PRKG1: variants seen among roughly 807,000 people sequenced by gnomAD.
PRKG1 encodes cGMP-dependent protein kinase 1.
A neutral mutation model predicts 88.1 loss-of-function variants in PRKG1; 35 were observed. The observed-to-expected ratio is 0.40, with a 90% CI of 0.30 to 0.53. PRKG1 has a LOEUF of 0.53. PRKG1 is among the 20% of genes least tolerant of loss of function. The pLI is 0.59. For missense variants in PRKG1, 540 were observed against 839.8 expected, an observed-to-expected ratio of 0.64 and a Z score of 4.41; for synonymous variants, 303 against 292.5, an observed-to-expected ratio of 1.04 and a Z score of -0.37.
intron 2 of PRKG1, among the ~76,000 whole-genome samples, chr10:51,232,766 C>T (rs981367299): frequency 3.9e-5 from 6 of 152,236 alleles, no homozygotes; most frequent in South Asian, 4.1e-4. Flanking sequence ...GTGCTAGACA[C>T]GTTTCTTTGC....
chr10:51,525,683 G>T (rs1197967535), intron 3 of PRKG1, among the ~76,000 whole-genome samples: 1 of 152,064 alleles, frequency 6.6e-6, no homozygotes, highest in Non-Finnish European at 1.5e-5. Flanking sequence ...GGGCAACAGA[G>T]TGAGACTCTG....
At chr10:51,066,867 T>C (rs1316057290) in intron 1 of PRKG1, among the ~76,000 whole-genome samples, 2 of 152,088 alleles carry the variant, frequency 1.3e-5, no homozygotes, top group Non-Finnish European at 2.9e-5. Context: ...AAGGAAGTAG[T>C]GTTCTTTAGT....
chr10:51,326,470 A>T (rs1841595799), intron 2 of PRKG1, among the ~76,000 whole-genome samples: 1 of 152,248 alleles, frequency 6.6e-6, no homozygotes, highest in African/African-American at 2.4e-5. Flanking sequence ...ACATAATGAC[A>T]TCAATTCTGT....
chr10:52,290,983 C>G (rs190103300), intron 17 of PRKG1, among the ~76,000 whole-genome samples: 1 of 142,234 alleles, frequency 7.0e-6, no homozygotes, highest in African/African-American at 2.6e-5. Flanking sequence ...AATGCAGTGG[C>G]GTGATCTCGG....
intron 2 of PRKG1, among the ~76,000 whole-genome samples, chr10:51,157,281 G>T (rs116900299): frequency 6.6e-6 from 1 of 151,798 alleles, no homozygotes; most frequent in African/African-American, 2.4e-5. Flanking sequence ...TAGAAGTTTC[G>T]ATTTCAAGTT....
Position 51,890,435 on chromosome 10 carries a change from ATC to A in PRKG1, c.699-17068_699-17067del, listed in dbSNP as rs534697919. Among the ~76,000 whole-genome samples, 497 of 152,310 alleles carry A rather than the reference ATC, an allele frequency of 3.3e-3. 4 individuals are homozygous for A. The highest frequency in any genetic ancestry group is 0.02 in the Middle Eastern group (6 of 294). ...TATGGTCTGTCACTTGACTGCAAAAATCTCTTACAAGATATTCATTCAGTTAG... is the reference window on the plus strand; with the variant it reads ...TATGGTCTGTCACTTGACTGCAAAAATCTTACAAGATATTCATTCAGTTAG... On this transcript the variant is annotated intron_variant, in intron 4 of 17. Coordinates refer to ENST00000373980, the MANE Select transcript of PRKG1 (RefSeq NM_006258.4).
At chr10:51,403,468 ATTG>A (rs1837816148) in intron 2 of PRKG1, among the ~76,000 whole-genome samples, 1 of 152,164 alleles carries the variant, frequency 6.6e-6, no homozygotes, top group African/African-American at 2.4e-5. Context: ...TAGGGCATTT[ATTG>A]AGTATTTACT....
chr10:51,808,699 G>C (rs182758961), intron 4 of PRKG1, among the ~76,000 whole-genome samples: 63 of 152,258 alleles, frequency 4.1e-4, no homozygotes, highest in African/African-American at 1.4e-3. Context: ...TCTGTGAAGA[G>C]GGGGATGTTT....
intron 1 of PRKG1, among the ~76,000 whole-genome samples, chr10:51,010,596 T>C (rs1842981815): frequency 6.6e-6 from 1 of 152,210 alleles, no homozygotes; most frequent in African/African-American, 2.4e-5. Context: ...CTTTAGTAAG[T>C]GCTTGAACTG....
intron 3 of PRKG1, among the ~76,000 whole-genome samples, chr10:51,710,647 T>C (rs1056388101): frequency 6.6e-6 from 1 of 152,196 alleles, no homozygotes; most frequent in African/African-American, 2.4e-5. Flanking sequence ...TGAGAACAAA[T>C]TTAAGTACCA....
At chr10:52,128,791 C>T (rs1364504390) in intron 7 of PRKG1, among the ~76,000 whole-genome samples, 3 of 151,970 alleles carry the variant, frequency 2.0e-5, no homozygotes, top group East Asian at 3.9e-4. Context: ...AACTGCACAC[C>T]GAAATCAACT....
At chr10:52,142,846 A>T (rs1837620608) in intron 8 of PRKG1, among the ~76,000 whole-genome samples, 1 of 152,162 alleles carries the variant, frequency 6.6e-6, no homozygotes, top group Admixed American at 6.6e-5. Context: ...ACACTCGTTT[A>T]TCTGTATTAA....
At chr10:52,007,385 C>T (rs1190010813) in intron 5 of PRKG1, among the ~76,000 whole-genome samples, 2 of 136,952 alleles carry the variant, frequency 1.5e-5, no homozygotes, top group Non-Finnish European at 3.3e-5. Flanking sequence ...AGAGACCCAC[C>T]TCATATACAA....
intron 9 of PRKG1, among the ~76,000 whole-genome samples, chr10:52,204,989 T>C (rs1371197327): frequency 6.6e-6 from 1 of 152,118 alleles, no homozygotes; most frequent in African/African-American, 2.4e-5. Flanking sequence ...GGGAAAAGAA[T>C]GCATTCCCAG....
intron 14 of PRKG1, among the ~76,000 whole-genome samples, chr10:52,284,270 G>A (rs1370608284): frequency 6.6e-6 from 1 of 151,756 alleles, no homozygotes; most frequent in Non-Finnish European, 1.5e-5. Flanking sequence ...TAAAAATAAA[G>A]CACTATAAGT....
intron 1 of PRKG1, among the ~76,000 whole-genome samples, chr10:51,017,556 G>GAT (rs2132730672): frequency 6.6e-6 from 1 of 152,150 alleles, no homozygotes; most frequent in Admixed American, 6.5e-5. Context: ...GTTATATTAG[G>GAT]ATATAGTTTC....
chr10:51,116,653 G>A (rs1013591915), intron 1 of PRKG1, among the ~76,000 whole-genome samples: 4 of 152,204 alleles, frequency 2.6e-5, no homozygotes, highest in Non-Finnish European at 5.9e-5. Flanking sequence ...AGGAGGAAAG[G>A]CAGGAACTGG....
chr10:51,744,064 C>T (rs73345331), intron 3 of PRKG1, among the ~76,000 whole-genome samples: 3,836 of 151,800 alleles, frequency 0.025, 167 homozygotes, highest in African/African-American at 0.086. Context: ...GTACTGTAAA[C>T]CACCAACATT....
intron 1 of PRKG1, among the ~76,000 whole-genome samples, chr10:51,044,996 G>C (rs141867695): frequency 6.6e-6 from 1 of 152,142 alleles, no homozygotes; most frequent in African/African-American, 2.4e-5. Flanking sequence ...ATATTTTAGT[G>C]CATGTATTTG....
Sources: allele counts gnomAD v4.1 joint callset (sites outside exome capture counted in the v4.1 genomes callset), GRCh38; gene constraint gnomAD v4.1.1; transcripts MANE v1.5; gene names NCBI Gene and HGNC (gene_info 2026-07-23, HGNC 2026-07-21).